Variants in RANBP1 observed in about 807,000 individuals in gnomAD.
RANBP1 encodes ran-specific GTPase-activating protein.
In RANBP1, 16 loss-of-function variants were observed where a neutral mutation model predicts 31.4. That is an observed-to-expected ratio of 0.51 (90% CI 0.34 to 0.77). The LOEUF is 0.77. Among genes scored for constraint, RANBP1 ranks in the 30% least tolerant of loss-of-function variants. The probability of loss-of-function intolerance (pLI) is 0.01; values close to 1 mark genes in which losing one functional copy is unlikely to be tolerated. For missense variants in RANBP1, 265 were observed against 362.0 expected (o/e 0.73, Z 2.17); for synonymous variants, 129 against 140.5 (o/e 0.92, Z 0.58).
rs369872173 is a variant in RANBP1 at position 20,125,302 on chromosome 22, C to A, written c.542-6C>A. 1.2e-6 allele frequency: 2 copies of A among 1,611,568 alleles called. No homozygotes were observed. On this transcript the variant is annotated splice_polypyrimidine_tract_variant and splice_region_variant and intron_variant, in intron 3 of 5. Coordinates refer to ENST00000430524, the MANE Select transcript of RANBP1 (RefSeq NM_001278639.2). ...TCACCATCTTCACGAGCTTCTCTCT[C>A]TTCAGTCACGCCGATGATGGAGCTG...
intron 2 of RANBP1, 169 bp downstream of exon 2, chr22:20,119,318 C>T: frequency 1.5e-6 from 1 of 648,522 alleles, no homozygotes; most frequent in South Asian, 2.0e-5. Context: ...TTTCATGAAT[C>T]TTCACCAGAT....
intron 3 of RANBP1, 160 bp downstream of exon 3, chr22:20,122,581 C>T (rs2050195989): frequency 9.7e-6 from 15 of 1,539,386 alleles, no homozygotes; most frequent in Non-Finnish European, 1.2e-5. Flanking sequence ...GTTTTTCAGA[C>T]GTGCCTCTGA....
intron 2 of RANBP1, among the ~76,000 whole-genome samples, chr22:20,120,057 A>T (rs2050141238): frequency 6.6e-6 from 1 of 152,170 alleles, no homozygotes; most frequent in South Asian, 2.1e-4. Context: ...CCTCAGTGAA[A>T]ATGAGGTTGT....
chr22:20,117,106 TC>T, intron 1 of RANBP1: 1 of 697,386 alleles, frequency 1.4e-6, no homozygotes, highest in Non-Finnish European at 2.4e-6. Context: ...CCTGCGATGC[TC>T]AGGTCCGGGT....
Position 20,120,126 on chromosome 22 carries a change from C to A in RANBP1, c.383+977C>A, listed in dbSNP as rs566813021. ...CATCCTTGAAGTTGCTTTAAGAGTC[C>A]AGGTTAAGGTTTTGTTGCTCTGGGG... On this transcript the variant is annotated intron_variant, in intron 2 of 5. Coordinates refer to ENST00000430524, the MANE Select transcript of RANBP1 (RefSeq NM_001278639.2). Among the ~76,000 whole-genome samples, 3 of 152,272 alleles carry A rather than the reference C, an allele frequency of 2.0e-5. No homozygotes were observed. In the East Asian group the frequency reaches 5.8e-4, roughly 29 times the overall value.
At chr22:20,116,971 G>T in intron 1 of RANBP1, 1 of 1,512,004 alleles carries the variant, frequency 6.6e-7, no homozygotes, top group South Asian at 1.2e-5. Context: ...CTCGTCCTGG[G>T]CCTGTCACAA....
chr22:20,117,057 G>T (rs1297702002), intron 1 of RANBP1: 6 of 993,590 alleles, frequency 6.0e-6, no homozygotes, highest in Non-Finnish European at 8.9e-6. Flanking sequence ...CGAGGTCGCC[G>T]CCACCCCCGG....
chr22:20,117,624 C>CGAG, intron 1 of RANBP1: 1 of 1,249,978 alleles, frequency 8.0e-7, no homozygotes, highest in African/African-American at 1.6e-5. Flanking sequence ...CCGACCCAGC[C>CGAG]GAGCCGCCGC....
At chr22:20,121,254 CTCTT>C (rs1014737508) in intron 2 of RANBP1, among the ~76,000 whole-genome samples, 1 of 151,232 alleles carries the variant, frequency 6.6e-6, no homozygotes, top group Non-Finnish European at 1.5e-5. Context: ...CGCCTGCTCT[CTCTT>C]TTTTTTTTGA....
intron 3 of RANBP1, 22 bp downstream of exon 3, chr22:20,122,443 C>T (rs754392099): frequency 6.2e-7 from 1 of 1,611,190 alleles, no homozygotes; most frequent in Non-Finnish European, 8.5e-7. Flanking sequence ...GAACGACCAC[C>T]TCGACAGTCC....
rs775656862 is a variant in RANBP1, at chr22:20,122,243, A to G, written c.384-21A>G. ...TGTGGGCTGCAGGTCTGCACTCTTA[A>G]CCTCACGGCTTTTCTTGCAGGCGGG... On this transcript the variant is annotated intron_variant, in intron 2 of 5. Coordinates refer to ENST00000430524, the MANE Select transcript of RANBP1 (RefSeq NM_001278639.2). The G allele has an allele frequency of 5.0e-6, 8 of 1,610,914 alleles. No individual in the cohort carries two copies. The South Asian group carries it at 7.7e-5, about 16-fold the overall frequency.
chr22:20,126,651 C>A (rs1469591916), intron 5 of RANBP1: 2 of 1,514,024 alleles, frequency 1.3e-6, no homozygotes, highest in African/African-American at 2.8e-5. Flanking sequence ...CGGTTTGTCT[C>A]TCAGAGGGCT....
At chr22:20,125,559 G>A (rs148001210) in intron 4 of RANBP1, 123 bp downstream of exon 4, 21 of 1,535,082 alleles carry the variant, frequency 1.4e-5, no homozygotes, top group South Asian at 6.0e-5. Flanking sequence ...GAAGTGTGTC[G>A]TGTGGGCTGC....
chr22:20,116,830 C>T (rs920922227), intron 1 of RANBP1: 63 of 1,522,230 alleles, frequency 4.1e-5, no homozygotes, highest in Non-Finnish European at 5.3e-5. Flanking sequence ...CTGACCCACC[C>T]CGCCTCCTCC....
chr22:20,117,684 G>T, intron 1 of RANBP1: 1 of 1,160,716 alleles, frequency 8.6e-7, no homozygotes, highest in South Asian at 3.9e-5. Context: ...GGCCCAAGCG[G>T]GGACAGGGTG....
Position 20,126,955 on chromosome 22 carries a change from G to A in RANBP1, c.740G>A (p.Gly247Glu), listed in dbSNP as rs759533670. 6.2e-7 allele frequency: 1 copy of A among 1,613,110 alleles called. No individual in the cohort carries two copies. Residue 247 changes from glycine (G) to glutamate (E), a missense_variant, in exon 6 of 6, where the codon GGA (glycine) becomes GAA (glutamate). Physicochemically the swap from Gly to Glu is moderately conservative, Grantham distance 98. Transcript: ENST00000430524. ...ACTGTGCTGCTTGTGTTTTTAGCAG[G>A]ATCAGGCAAAAATGATCATGCCGAA... Reference protein sequence around the residue: ...KEIEEREKKAGSGKNDHAEKV... With the variant: ...KEIEEREKKAESGKNDHAEKV...
intron 2 of RANBP1, 87 bp from the exon 3 acceptor site, chr22:20,122,177 C>T: frequency 3.4e-6 from 5 of 1,454,516 alleles, no homozygotes; most frequent in Admixed American, 3.7e-5. Context: ...TGGGGTCCTG[C>T]AGTGCAGAGT....
At chr22:20,118,238 A>G in intron 1 of RANBP1, 1 of 1,002,530 alleles carries the variant, frequency 1.0e-6, no homozygotes, top group Non-Finnish European at 1.2e-6. Flanking sequence ...AGAGCAGCGA[A>G]AAGCTTATGT....
At chr22:20,120,125 C>T (rs931093748) in intron 2 of RANBP1, among the ~76,000 whole-genome samples, 1 of 152,158 alleles carries the variant, frequency 6.6e-6, no homozygotes, top group African/African-American at 2.4e-5. Flanking sequence ...CTTTAAGAGT[C>T]CAGGTTAAGG....
Sources: allele counts gnomAD v4.1 joint callset (sites outside exome capture counted in the v4.1 genomes callset), GRCh38; gene constraint gnomAD v4.1.1; transcripts MANE v1.5; gene names NCBI Gene and HGNC (gene_info 2026-07-23, HGNC 2026-07-21).